The following LRP1B variants were observed in gnomAD, a reference collection of about 807,000 sequenced individuals.
LRP1B encodes LDL receptor related protein 1B.
In LRP1B, 217 loss-of-function variants were observed where a neutral mutation model predicts 556.6. The ratio of observed to expected loss-of-function variants is 0.39; its 90% CI spans 0.35 to 0.44. The LOEUF is 0.44. Ranked by LOEUF, LRP1B falls within the 20% of genes least tolerant of loss-of-function variation. LRP1B has a pLI of 1.00. For missense variants in LRP1B, 5,053 were observed against 5,620.8 expected, an observed-to-expected ratio of 0.90 and a Z score of 3.23; for synonymous variants, 2,047 against 1,865.8, an observed-to-expected ratio of 1.10 and a Z score of -2.50.
intron 74 of LRP1B, among the ~76,000 whole-genome samples, chr2:140,357,354 G>A (rs1164540796): frequency 6.6e-6 from 1 of 151,344 alleles, no homozygotes; most frequent in Admixed American, 6.6e-5. Flanking sequence ...ATCCCTAAAT[G>A]AGGAAAGTTT....
At chr2:140,606,335 C>T (rs1056321501) in intron 41 of LRP1B, among the ~76,000 whole-genome samples, 1 of 151,716 alleles carries the variant, frequency 6.6e-6, no homozygotes, top group African/African-American at 2.4e-5. Flanking sequence ...AAAACATATG[C>T]ACCCAAACTA....
Position 141,467,830 on chromosome 2 carries a change from T to A in LRP1B, c.343+12566A>T, listed in dbSNP as rs62168047. 4.0e-4 allele frequency among the ~76,000 whole-genome samples: 3 copies of A among 7,520 alleles called. No homozygotes were observed. In the Non-Finnish European group the frequency reaches 7.2e-3, roughly 18 times the overall value. The allele number at this position is 7,520 out of a possible 152,430, so 4.9% of individuals were successfully genotyped here. On this transcript the variant is annotated intron_variant, in intron 3 of 90. Coordinates refer to ENST00000389484, the MANE Select transcript of LRP1B (RefSeq NM_018557.3). ...GTTTGTTTGTTTGTTTGTTTGTTTG[T>A]TTGCGGACCGGGGGGGGGGGAATTC...
chr2:140,786,079 T>C (rs186599245), intron 32 of LRP1B, among the ~76,000 whole-genome samples: 2 of 152,198 alleles, frequency 1.3e-5, no homozygotes, highest in Non-Finnish European at 2.9e-5. Context: ...AATGTGAGCA[T>C]GTCCCTCTGC....
At chr2:141,506,172 C>A (rs1055921022) in intron 2 of LRP1B, among the ~76,000 whole-genome samples, 2 of 152,040 alleles carry the variant, frequency 1.3e-5, no homozygotes, top group African/African-American at 4.8e-5. Context: ...TAATGGATTT[C>A]TTTGTGATTT....
intron 7 of LRP1B, among the ~76,000 whole-genome samples, chr2:141,098,925 C>T (rs115489683): frequency 1.3e-5 from 2 of 152,046 alleles, no homozygotes; most frequent in Admixed American, 6.6e-5. Context: ...TCAAAGTGCT[C>T]GGATTACAAT....
At chr2:141,366,240 G>C (rs2105579282) in intron 3 of LRP1B, among the ~76,000 whole-genome samples, 1 of 152,296 alleles carries the variant, frequency 6.6e-6, no homozygotes, top group African/African-American at 2.4e-5. Context: ...AAGTGCAAGA[G>C]GTTACTTGTG....
chr2:140,432,803 T>C (rs1402609200), intron 66 of LRP1B, among the ~76,000 whole-genome samples: 1 of 152,210 alleles, frequency 6.6e-6, no homozygotes, highest in Non-Finnish European at 1.5e-5. Context: ...CTGACAGACA[T>C]ACCTGTGTGA....
At chr2:140,963,786 G>A (rs1294954811) in intron 18 of LRP1B, among the ~76,000 whole-genome samples, 4 of 152,094 alleles carry the variant, frequency 2.6e-5, no homozygotes, top group African/African-American at 7.2e-5. Context: ...GTAAAAACTC[G>A]TCTCTATTAA....
chr2:140,659,079 G>T (rs1348775737), intron 41 of LRP1B, among the ~76,000 whole-genome samples: 2 of 109,852 alleles, frequency 1.8e-5, no homozygotes, highest in African/African-American at 6.9e-5. Context: ...GCAATGGGTT[G>T]TCCCTAAACT....
intron 41 of LRP1B, among the ~76,000 whole-genome samples, chr2:140,618,302 A>G (rs947520841): frequency 1.1e-4 from 17 of 152,038 alleles, no homozygotes; most frequent in African/African-American, 4.1e-4. Context: ...GCTAAAATAA[A>G]GTAATAATAG....
At chr2:140,802,099 C>T (rs1359164339) in intron 32 of LRP1B, among the ~76,000 whole-genome samples, 2 of 152,050 alleles carry the variant, frequency 1.3e-5, no homozygotes, top group Non-Finnish European at 2.9e-5. Context: ...AAAATAATCA[C>T]GAGAGGAGCT....
At chr2:140,936,993 T>C (rs1473134953) in intron 20 of LRP1B, among the ~76,000 whole-genome samples, 2 of 152,106 alleles carry the variant, frequency 1.3e-5, no homozygotes, top group African/African-American at 4.8e-5. Flanking sequence ...GAAGCAGAGT[T>C]TTTGTAAGTT....
intron 7 of LRP1B, among the ~76,000 whole-genome samples, chr2:141,088,218 G>A (rs776564746): frequency 9.9e-4 from 151 of 152,054 alleles, no homozygotes; most frequent in Non-Finnish European, 1.2e-3. Flanking sequence ...CTTATTGCAC[G>A]AAGTAATGAT....
chr2:141,483,685 G>T (rs1683008819), intron 2 of LRP1B, among the ~76,000 whole-genome samples: 1 of 151,920 alleles, frequency 6.6e-6, no homozygotes, highest in Admixed American at 6.6e-5. Context: ...TCTCATTGTG[G>T]TTCTGATTTG....
chr2:140,288,221 A>G (rs551857387), intron 84 of LRP1B, among the ~76,000 whole-genome samples: 1 of 151,664 alleles, frequency 6.6e-6, no homozygotes, highest in South Asian at 2.1e-4. Context: ...CTTATCTATA[A>G]TAAGGATAAA....
At chr2:140,942,915 C>T (rs530392592) in intron 20 of LRP1B, among the ~76,000 whole-genome samples, 13 of 152,116 alleles carry the variant, frequency 8.5e-5, no homozygotes, top group Middle Eastern at 6.8e-3. Context: ...CATGATAGAA[C>T]GAAAATCTCT....
chr2:141,989,407 CA>C (rs1203919163), intron 1 of LRP1B, among the ~76,000 whole-genome samples: 1 of 151,652 alleles, frequency 6.6e-6, no homozygotes, highest in Non-Finnish European at 1.5e-5. Context: ...CAAAGAAAAA[CA>C]AAAAAATAAA....
intron 14 of LRP1B, 92 bp downstream of exon 14, chr2:141,013,464 T>C: frequency 9.7e-7 from 1 of 1,028,042 alleles, no homozygotes; most frequent in Non-Finnish European, 1.4e-6. Flanking sequence ...ATCATAAAAC[T>C]TTAGCAACAC....
At chr2:140,565,814 G>A (rs1438378411) in intron 43 of LRP1B, among the ~76,000 whole-genome samples, 1 of 152,142 alleles carries the variant, frequency 6.6e-6, no homozygotes, top group African/African-American at 2.4e-5. Context: ...TTCCTCTCCT[G>A]GGATGAGCTG....
Sources: gnomAD v4.1 joint callset for allele counts (sites outside exome capture counted in the v4.1 genomes callset) on GRCh38, gnomAD v4.1.1 for gene constraint, MANE v1.5 for transcripts, NCBI Gene and HGNC (gene_info 2026-07-23, HGNC 2026-07-21) for gene names.